RNFT2: variants seen among roughly 807,000 people sequenced by gnomAD.
The protein encoded by RNFT2 is ring finger protein, transmembrane 2.
A neutral mutation model predicts 53.0 loss-of-function variants in RNFT2; 36 were observed. That is an observed-to-expected ratio of 0.68 (90% CI 0.52 to 0.90). The LOEUF (loss-of-function observed/expected upper bound fraction) is 0.90. Ranked by LOEUF, RNFT2 falls within the 40% of genes least tolerant of loss-of-function variation. The probability of loss-of-function intolerance (pLI) is 0.00; values close to 1 mark genes in which losing one functional copy is unlikely to be tolerated. For missense variants in RNFT2, 514 were observed against 585.6 expected (o/e 0.88, Z 1.26); for synonymous variants, 260 against 253.2 (o/e 1.03, Z -0.26).
At chr12:116,830,129 T>A (rs950669474) in intron 7 of RNFT2, among the ~76,000 whole-genome samples, 9 of 152,194 alleles carry the variant, frequency 5.9e-5, no homozygotes, top group African/African-American at 1.9e-4. Context: ...AGTTCCCATA[T>A]ACCCTTCATT....
At chr12:116,821,802 C>CT (rs149043452) in intron 7 of RNFT2, among the ~76,000 whole-genome samples, 549 of 43,940 alleles carry the variant, frequency 0.012, 107 homozygotes, top group African/African-American at 0.05. Context: ...CTACTTGTTT[C>CT]TTTTTTTTTT....
intron 7 of RNFT2, among the ~76,000 whole-genome samples, chr12:116,832,892 C>T (rs1384330594): frequency 2.3e-5 from 3 of 131,258 alleles, no homozygotes; most frequent in East Asian, 2.4e-4. Context: ...GTACCCAAGT[C>T]GTGTTCTTTT....
intron 4 of RNFT2, among the ~76,000 whole-genome samples, chr12:116,750,787 A>ATG (rs759690045): frequency 4.2e-5 from 5 of 120,138 alleles, no homozygotes; most frequent in Non-Finnish European, 8.2e-5. Context: ...TTTTTACTAT[A>ATG]TGTGTGTGTG....
At chr12:116,847,208 A>G (rs1282835164) in intron 10 of RNFT2, among the ~76,000 whole-genome samples, 3 of 151,654 alleles carry the variant, frequency 2.0e-5, no homozygotes, top group Non-Finnish European at 4.4e-5. Flanking sequence ...GTGCCTGGCC[A>G]CCCAGGAAAT....
chr12:116,775,361 T>C (rs1249343397), intron 6 of RNFT2, among the ~76,000 whole-genome samples: 1 of 151,102 alleles, frequency 6.6e-6, no homozygotes, highest in Non-Finnish European at 1.5e-5. Flanking sequence ...TGCTTGTATG[T>C]GACACCAACA....
In RNFT2 at chr12:116,749,766, G is replaced by C. The variant is rs942131903; in HGVS notation, c.84-75G>C. On this transcript the variant is annotated intron_variant, in intron 3 of 10. Coordinates refer to ENST00000257575, the MANE Select transcript of RNFT2 (RefSeq NM_001382266.1). Reference sequence around the variant, plus strand: ...ACCCATAACATAATTGATATTATTAGTCCCCATCCTCCTCTGGAGTAAGGT... The same window carrying C: ...ACCCATAACATAATTGATATTATTACTCCCCATCCTCCTCTGGAGTAAGGT... The C allele has an allele frequency of 1.8e-5, 23 of 1,284,478 alleles. No individual in the cohort carries two copies. In the Admixed American group the frequency reaches 4.4e-4, roughly 24 times the overall value. The allele number at this position is 1,284,478 out of a possible 1,614,324, so 79.6% of individuals were successfully genotyped here.
rs75767702 is a variant in RNFT2, at chr12:116,781,627, G to A, written c.882+2279G>A. Among the ~76,000 whole-genome samples, 784 of 151,432 alleles carry A rather than the reference G, an allele frequency of 5.2e-3. 2 individuals carry two copies. Among genetic ancestry groups the A allele is most frequent in the African/African-American group, 0.018 (734 of 41,388 alleles). Reference sequence around the variant, plus strand: ...CCCCTACACCTCTGCCTTCATTGTCGCATCTCCTGATTCTCGCCCTCCTGC... The same window carrying A: ...CCCCTACACCTCTGCCTTCATTGTCACATCTCCTGATTCTCGCCCTCCTGC... On this transcript the variant is annotated intron_variant, in intron 7 of 10. Coordinates refer to ENST00000257575, the MANE Select transcript of RNFT2 (RefSeq NM_001382266.1).
intron 4 of RNFT2, among the ~76,000 whole-genome samples, chr12:116,750,822 TATATATAA>T (rs1566069320): frequency 0.02 from 365 of 18,556 alleles, 14 homozygotes; most frequent in African/African-American, 0.045. Context: ...ATATATATTA[TATATATAA>T]TATATATATT....
intron 3 of RNFT2, 112 bp from the exon 4 acceptor site, chr12:116,749,729 G>T: frequency 1.1e-6 from 1 of 942,706 alleles, no homozygotes; most frequent in Non-Finnish European, 1.6e-6. Context: ...AATTTGAGGG[G>T]GACACAGCTC....
At position 116,849,369 on chromosome 12, in the gene RNFT2, C is replaced by T. The variant is rs1221394575; in HGVS notation, c.1256C>T (p.Pro419Leu). 2 of 1,551,012 alleles carry T rather than the reference C, an allele frequency of 1.3e-6. No individual in the cohort carries two copies. Among genetic ancestry groups the T allele is most frequent in the South Asian group, 1.2e-5 (1 of 84,412 alleles). Residue 419 changes from proline to leucine, a missense_variant, in exon 11 of 11, where the codon CCG becomes CTG. Around this residue, in one of 3 missense-constraint regions of RNFT2, gnomAD observed 273 missense variants for 334.4 expected, o/e 0.82. Coordinates refer to ENST00000257575, the MANE Select transcript of RNFT2 (RefSeq NM_001382266.1). ...TGGCTGGACCGTGAGCGCACCTGCC[C>T]GCTCTGCCGCTCGGTCGCCGTGGAC... ...CLWLDRERTC[P>L]LCRSVAVDTL...
At chr12:116,797,454 G>A (rs116615448) in intron 7 of RNFT2, among the ~76,000 whole-genome samples, 2,363 of 152,072 alleles carry the variant, frequency 0.016, 72 homozygotes, top group African/African-American at 0.054. Flanking sequence ...CAGTACTTGG[G>A]AGACTGAGGC....
intron 10 of RNFT2, among the ~76,000 whole-genome samples, chr12:116,841,254 C>G (rs1237179481): frequency 6.6e-6 from 1 of 152,062 alleles, no homozygotes; most frequent in East Asian, 1.9e-4. Flanking sequence ...AAGTTCAAGA[C>G]CAGCCTAAGC....
At position 116,850,631 on chromosome 12, in the gene RNFT2, T is replaced by TTTTGTTG. The variant is rs1294235019; in HGVS notation, c.*1186_*1187insGTTGTTT. The TTTTGTTG allele has an allele frequency of 6.7e-6, 1 of 150,030 alleles. No homozygotes were observed. Among genetic ancestry groups the TTTTGTTG allele is most frequent in the African/African-American group, 2.4e-5 (1 of 40,908 alleles). 9.3% of individuals were successfully genotyped at this position (150,030 alleles called of 1,614,324 possible). A position where few individuals can be genotyped will look rare whatever the true frequency, so the allele number is the denominator to read the frequency against. ...TTTTCTTTTCTTTTCTTTTTTTTTT[T>TTTTGTTG]TTTTTTGTTGTTGTGAGACAGAGTC... On this transcript the variant is annotated 3_prime_UTR_variant, in exon 11 of 11. Transcript: ENST00000257575.
At chr12:116,806,063 G>A (rs1185063603) in intron 7 of RNFT2, among the ~76,000 whole-genome samples, 1 of 152,134 alleles carries the variant, frequency 6.6e-6, no homozygotes, top group Admixed American at 6.6e-5. Context: ...TGAAGCTGGC[G>A]CTGATGTTTT....
intron 6 of RNFT2, among the ~76,000 whole-genome samples, chr12:116,768,289 T>TG (rs1379299985): frequency 1.3e-5 from 2 of 151,934 alleles, no homozygotes; most frequent in African/African-American, 2.4e-5. Context: ...TTCATAGAGA[T>TG]GGGGTTTCAC....
intron 7 of RNFT2, among the ~76,000 whole-genome samples, chr12:116,795,354 G>A (rs1874453880): frequency 6.6e-6 from 1 of 151,722 alleles, no homozygotes; most frequent in Non-Finnish European, 1.5e-5. Context: ...GTTGCAGTGA[G>A]CCGAGGTCAC....
At chr12:116,829,946 C>T (rs936271989) in intron 7 of RNFT2, among the ~76,000 whole-genome samples, 6 of 151,906 alleles carry the variant, frequency 3.9e-5, no homozygotes, top group African/African-American at 1.5e-4. Flanking sequence ...AGCATAAAAA[C>T]ACAAAGAGAA....
At chr12:116,798,804 A>G (rs925644861) in intron 7 of RNFT2, among the ~76,000 whole-genome samples, 7 of 151,944 alleles carry the variant, frequency 4.6e-5, no homozygotes, top group African/African-American at 1.5e-4. Flanking sequence ...TCGAACTCCT[A>G]AGCTCAAGCG....
intron 7 of RNFT2, among the ~76,000 whole-genome samples, chr12:116,800,686 T>C (rs1351080714): frequency 6.6e-6 from 1 of 151,310 alleles, no homozygotes; most frequent in African/African-American, 2.4e-5. Flanking sequence ...CTGTGGTGCG[T>C]GCCTGTAATC....
Sources: gnomAD v4.1 joint callset for allele counts (sites outside exome capture counted in the v4.1 genomes callset) on GRCh38, gnomAD v4.1.1 for gene constraint, gnomAD v4.1.1 regional missense constraint, MANE v1.5 for transcripts, NCBI Gene and HGNC (gene_info 2026-07-23, HGNC 2026-07-21) for gene names.